The following SLCO3A1 variants were observed in gnomAD, a reference collection of about 807,000 sequenced individuals.
The protein encoded by SLCO3A1 is PGE1 transporter.
SLCO3A1 carries 27 observed loss-of-function variants against 63.1 expected under a neutral mutation model. That is an observed-to-expected ratio of 0.43 (90% CI 0.32 to 0.59). SLCO3A1 has a LOEUF of 0.59. SLCO3A1 is among the 20% of genes least tolerant of loss of function. The probability of loss-of-function intolerance (pLI) is 0.09; values close to 1 mark genes in which losing one functional copy is unlikely to be tolerated. For synonymous variants in SLCO3A1, 473 were observed against 409.9 expected (o/e 1.15, Z -1.86); for missense variants, 773 against 945.8 (o/e 0.82, Z 2.40).
At chr15:92,169,781 A>G (rs935944566), downstream of SLCO3A1, among the ~76,000 whole-genome samples, 3 of 152,204 alleles carry the variant, frequency 2.0e-5, no homozygotes, top group African/African-American at 7.2e-5. Flanking sequence ...CTAATTGGAT[A>G]TACTTCCTCT....
At chr15:91,855,206 A>T (rs1294749414) in intron 1 of SLCO3A1, among the ~76,000 whole-genome samples, 1 of 152,212 alleles carries the variant, frequency 6.6e-6, no homozygotes, top group African/African-American at 2.4e-5. Context: ...TGATGCTATG[A>T]TTAATCCCTC....
In SLCO3A1 at chr15:91,866,575, TA is replaced by T. The variant is rs1191215854; in HGVS notation, c.180+12503del. Among the ~76,000 whole-genome samples the T allele has an allele frequency of 2.1e-3, 299 of 139,852 alleles. 1 individual carries two copies. The highest frequency in any genetic ancestry group is 3.0e-3 in the Admixed American group (43 of 14,124). 91.7% of individuals were successfully genotyped at this position (139,852 alleles called of 152,430 possible). ...ATTTCTCTGCACAGGCTCCTTTTTT[TA>T]AAAAAAAAAAAAAAAGAAAAAAAAA... On this transcript the variant is annotated intron_variant, in intron 1 of 9. Coordinates refer to ENST00000318445, the MANE Select transcript of SLCO3A1 (RefSeq NM_013272.4).
intron 2 of SLCO3A1, among the ~76,000 whole-genome samples, chr15:92,038,722 G>A (rs917849759): frequency 3.9e-5 from 6 of 152,020 alleles, no homozygotes; most frequent in African/African-American, 1.2e-4. Context: ...AAACTACCAT[G>A]GATATTCTTC....
At chr15:92,096,179 C>T (rs2047536464) in intron 3 of SLCO3A1, among the ~76,000 whole-genome samples, 1 of 152,152 alleles carries the variant, frequency 6.6e-6, no homozygotes, top group African/African-American at 2.4e-5. Flanking sequence ...GGGGAGGATC[C>T]ACTTCCAAGC....
chr15:91,940,847 A>G (rs2151399632), intron 2 of SLCO3A1, among the ~76,000 whole-genome samples: 2 of 152,258 alleles, frequency 1.3e-5, no homozygotes, highest in African/African-American at 4.8e-5. Context: ...TGCCTCTCTG[A>G]GCAAGGTGTC....
At position 92,165,003 on chromosome 15, in the gene SLCO3A1, C is replaced by G. The variant is rs756638986; in HGVS notation, c.*1868C>G. 3 of 985,134 alleles carry G rather than the reference C, an allele frequency of 3.0e-6. No individual in the cohort carries two copies. The African/African-American group carries it at 5.2e-5, about 17-fold the overall frequency. 61.0% of individuals were successfully genotyped at this position (985,134 alleles called of 1,614,324 possible). On this transcript the variant is annotated 3_prime_UTR_variant, in exon 10 of 10. Transcript: ENST00000318445. The stretch of plus-strand genomic sequence containing the variant: ...TGCTTTTTCACCTTGGACACATTTG[C>G]ATTTTACCCACAAGGCAAACAAAAG...
At chr15:92,169,824 G>A (rs528657722), downstream of SLCO3A1, among the ~76,000 whole-genome samples, 4 of 152,290 alleles carry the variant, frequency 2.6e-5, no homozygotes, top group African/African-American at 9.6e-5. Context: ...GTCATATTGA[G>A]TTCAAGTCCC....
At chr15:91,924,041 G>A (rs185854601) in intron 2 of SLCO3A1, among the ~76,000 whole-genome samples, 15 of 152,314 alleles carry the variant, frequency 9.8e-5, no homozygotes, top group East Asian at 5.8e-4. Context: ...CTGGCCCTGC[G>A]GTGACTTTTT....
In SLCO3A1 at chr15:92,165,850, A is replaced by C. The variant is rs892501151; in HGVS notation, c.*2715A>C. 1 of 985,352 alleles carries C rather than the reference A, an allele frequency of 1.0e-6. No individual in the cohort carries two copies. Among genetic ancestry groups the C allele is most frequent in the East Asian group, 1.1e-4 (1 of 8,806 alleles). 61.0% of individuals were successfully genotyped at this position (985,352 alleles called of 1,614,324 possible). The stretch of plus-strand genomic sequence containing the variant: ...AATGAAAAGATTTCCTGGTAAGATC[A>C]TTGGATTTACAGAATACAAAAATGT... On this transcript the variant is annotated 3_prime_UTR_variant, in exon 10 of 10. Coordinates refer to ENST00000318445, the MANE Select transcript of SLCO3A1 (RefSeq NM_013272.4).
intron 4 of SLCO3A1, among the ~76,000 whole-genome samples, chr15:92,119,597 G>A (rs1226722915): frequency 1.3e-5 from 2 of 152,206 alleles, no homozygotes; most frequent in African/African-American, 2.4e-5. Flanking sequence ...CAAAGACCTG[G>A]GTGGGGTGGA....
intron 2 of SLCO3A1, among the ~76,000 whole-genome samples, chr15:91,990,936 G>A (rs1385908491): frequency 1.3e-5 from 2 of 152,222 alleles, no homozygotes; most frequent in Non-Finnish European, 1.5e-5. Context: ...TGGGGACAGT[G>A]AAGAGCTGGG....
rs1373429599 is a variant in SLCO3A1, at chr15:91,897,174, G to T, written c.181-18819G>T. On this transcript the variant is annotated intron_variant, in intron 1 of 9. Transcript: ENST00000318445. This position sits in a 1 kb window ranked among gnomAD's most constrained non-coding sequence, Gnocchi z 4.7. The stretch of plus-strand genomic sequence containing the variant: ...ATTGTTGCTTTTAAAATAAAGACAG[G>T]CTGGATGCGGTGGTGCACGCCTGTA... Among the ~76,000 whole-genome samples, 1 of 152,152 alleles carries T rather than the reference G, an allele frequency of 6.6e-6. No individual in the cohort carries two copies. The highest frequency in any genetic ancestry group is 1.5e-5 in the Non-Finnish European group (1 of 68,018).
chr15:92,038,106 G>A lies in SLCO3A1; in HGVS notation c.647-56775G>A, dbSNP rs549736051. On this transcript the variant is annotated intron_variant, in intron 2 of 9. Coordinates refer to ENST00000318445, the MANE Select transcript of SLCO3A1 (RefSeq NM_013272.4). ...CTGGAGCTGAAAGACATGTGTTCAG[G>A]TGTTTGTTTCTCTAAGGAAGCAGTA... Among the ~76,000 whole-genome samples the A allele has an allele frequency of 2.2e-4, 34 of 152,316 alleles. No individual in the cohort carries two copies. In the South Asian group the frequency reaches 7.0e-3, roughly 32 times the overall value.
chr15:92,007,383 G>T (rs1256065040), intron 2 of SLCO3A1, among the ~76,000 whole-genome samples: 1 of 152,192 alleles, frequency 6.6e-6, no homozygotes. Flanking sequence ...GAGTATTGAG[G>T]CTGGGAAGTC....
Position 91,865,680 on chromosome 15 carries a change from C to G in SLCO3A1, c.180+11592C>G, listed in dbSNP as rs374018132. 1.0e-3 allele frequency among the ~76,000 whole-genome samples: 152 copies of G among 152,290 alleles called. 2 individuals carry two copies. The highest frequency in any genetic ancestry group is 3.5e-3 in the African/African-American group (147 of 41,562). ...TGCCTTTGCTGTCACATGGTGTTTC[C>G]CCCGCGTCTCTCTCTCTTCTTCTTC... is the stretch of plus-strand genomic sequence containing the variant. On this transcript the variant is annotated intron_variant, in intron 1 of 9. Coordinates refer to ENST00000318445, the MANE Select transcript of SLCO3A1 (RefSeq NM_013272.4). This position sits in a 1 kb window ranked among gnomAD's most constrained non-coding sequence, Gnocchi z 4.6.
intron 2 of SLCO3A1, among the ~76,000 whole-genome samples, chr15:91,995,274 C>A (rs113285696): frequency 2.0e-5 from 3 of 152,158 alleles, no homozygotes; most frequent in African/African-American, 4.8e-5. Flanking sequence ...TGCTATCTGA[C>A]GTGAGACTTC....
downstream of SLCO3A1, among the ~76,000 whole-genome samples, chr15:92,170,693 G>T (rs1271178547): frequency 6.6e-6 from 1 of 152,194 alleles, no homozygotes; most frequent in Non-Finnish European, 1.5e-5. Flanking sequence ...GCCAGGAGTT[G>T]GAGGTGAGAA....
intron 2 of SLCO3A1, among the ~76,000 whole-genome samples, chr15:92,078,541 G>A (rs1382536563): frequency 6.6e-6 from 1 of 152,184 alleles, no homozygotes; most frequent in Non-Finnish European, 1.5e-5. Flanking sequence ...AAGGGTCTCC[G>A]TCTACTGTCT....
intron 2 of SLCO3A1, among the ~76,000 whole-genome samples, chr15:91,952,193 C>T (rs1374887723): frequency 6.6e-6 from 1 of 152,148 alleles, no homozygotes; most frequent in African/African-American, 2.4e-5. Context: ...CTCATCACAT[C>T]CTTTGCCGTT....
Sources: gnomAD v4.1 joint callset for allele counts (sites outside exome capture counted in the v4.1 genomes callset) on GRCh38, gnomAD v4.1.1 for gene constraint, Gnocchi (gnomAD v3.1) non-coding constraint, MANE v1.5 for transcripts, NCBI Gene and HGNC (gene_info 2026-07-23, HGNC 2026-07-21) for gene names.